The following CPSF4L variants were observed in gnomAD, a reference collection of about 807,000 sequenced individuals.
CPSF4L encodes the protein putative cleavage and polyadenylation specificity factor subunit 4-like protein.
In CPSF4L, 18 loss-of-function variants were observed where a neutral mutation model predicts 24.0. The ratio of observed to expected loss-of-function variants is 0.75; its 90% CI spans 0.52 to 1.11. The LOEUF (loss-of-function observed/expected upper bound fraction) is 1.11. CPSF4L is among the 50% of genes least tolerant of loss of function. The pLI is 0.00. For missense variants in CPSF4L, 211 were observed against 221.8 expected (o/e 0.95, Z 0.31); for synonymous variants, 72 against 77.2 (o/e 0.93, Z 0.35).
intron 2 of CPSF4L, 147 bp from the exon 3 acceptor site, chr17:73,257,980 G>T: frequency 1.4e-6 from 1 of 739,804 alleles, no homozygotes; most frequent in Non-Finnish European, 2.1e-6. Flanking sequence ...GTAGGGGCTG[G>T]AACTGGGAGC....
chr17:73,251,074 G>T (rs944327273), intron 5 of CPSF4L: 9 of 1,549,300 alleles, frequency 5.8e-6, no homozygotes, highest in Non-Finnish European at 7.0e-6. Flanking sequence ...GAAATAGGAG[G>T]TGCTGAATCC....
intron 5 of CPSF4L, chr17:73,250,270 C>G (rs1266604644): frequency 1.0e-5 from 16 of 1,550,624 alleles, no homozygotes; most frequent in Non-Finnish European, 6.1e-6. Flanking sequence ...TTGAGTCTTA[C>G]TGTACTTACT....
chr17:73,243,024 A>T, the CPSF4L span: 1 of 1,579,530 alleles, frequency 6.3e-7, no homozygotes, highest in South Asian at 1.1e-5. Context: ...CTATATTTCT[A>T]GCCTAAATAA....
At position 73,254,093 on chromosome 17, in the gene CPSF4L, G is replaced by A. The variant is rs374908311; in HGVS notation, c.308-67C>T. ...TGATCACTTCTGTGTCCCCAAACCA[G>A]ATTGACCTTGCCCCTCACAAACACA... On this transcript the variant is annotated intron_variant, in intron 3 of 5. Transcript: ENST00000344935. 1.6e-4 allele frequency: 196 copies of A among 1,237,252 alleles called. No homozygotes were observed. In the South Asian group the frequency reaches 2.4e-3, roughly 15 times the overall value. 76.6% of individuals were successfully genotyped at this position (1,237,252 alleles called of 1,614,324 possible).
chr17:73,262,052 C>A, upstream of CPSF4L: 1 of 558,658 alleles, frequency 1.8e-6, no homozygotes, highest in Non-Finnish European at 3.2e-6. Context: ...CCCTCACCCC[C>A]ACACTGTGTA....
At chr17:73,261,014 G>C in intron 1 of CPSF4L, 31 bp from the exon 2 acceptor site, 1 of 1,539,480 alleles carries the variant, frequency 6.5e-7, no homozygotes, top group Admixed American at 2.0e-5. Flanking sequence ...GGAGAAGGTA[G>C]CTTCCCCAGA....
At chr17:73,247,754 T>C (rs893827507), downstream of CPSF4L, 26 of 165,174 alleles carry the variant, frequency 1.6e-4, no homozygotes, top group Non-Finnish European at 2.4e-4. Context: ...AACTCACATA[T>C]AGTAGGAAAC....
downstream of CPSF4L, chr17:73,247,466 C>T (rs556878479): frequency 3.2e-4 from 285 of 887,818 alleles, 3 homozygotes; most frequent in South Asian, 4.2e-3. Context: ...GCTTTTCAGC[C>T]CTCAAGGTTA....
chr17:73,252,555 G>T, intron 5 of CPSF4L, 75 bp downstream of exon 5: 4 of 885,986 alleles, frequency 4.5e-6, no homozygotes, highest in Admixed American at 2.0e-5. Context: ...ACCAGCGAAG[G>T]TATGGAAAGA....
At chr17:73,253,908 C>A in intron 4 of CPSF4L, 23 bp downstream of exon 4, 1 of 1,517,106 alleles carries the variant, frequency 6.6e-7, no homozygotes, top group Non-Finnish European at 9.0e-7. Context: ...GCCCCTAGGG[C>A]TCCCTGGCTT....
chr17:73,263,250 G>A (rs2062053706), upstream of CPSF4L, among the ~76,000 whole-genome samples: 1 of 152,206 alleles, frequency 6.6e-6, no homozygotes. Flanking sequence ...AAAGCCCAGG[G>A]AGGCCAAGAC....
At chr17:73,262,106 A>C, upstream of CPSF4L, 1 of 434,044 alleles carries the variant, frequency 2.3e-6, no homozygotes, top group Non-Finnish European at 4.2e-6. Flanking sequence ...GAGCCCCACA[A>C]ACTGCTTATC....
intron 5 of CPSF4L, chr17:73,250,258 A>C (rs1369296061): frequency 2.6e-6 from 4 of 1,550,616 alleles, no homozygotes; most frequent in African/African-American, 2.7e-5. Flanking sequence ...AACTCCTATC[A>C]GTTGAGTCTT....
At chr17:73,261,663 AG>A (rs2062046834) in intron 1 of CPSF4L, 52 bp downstream of exon 1, 1 of 1,263,862 alleles carries the variant, frequency 7.9e-7, no homozygotes, top group African/African-American at 1.5e-5. Flanking sequence ...TCCGTCTCAA[AG>A]AAAAAAAAAC....
At chr17:73,243,047 C>T in the CPSF4L span, 47 of 1,402,966 alleles carry the variant, frequency 3.4e-5, no homozygotes, top group Admixed American at 7.2e-5. Context: ...GGTCCCATTC[C>T]GTTATGTGGA....
the CPSF4L span, chr17:73,243,069 TTC>T: frequency 5.3e-6 from 6 of 1,138,622 alleles, no homozygotes; most frequent in Admixed American, 4.8e-5. Flanking sequence ...CTCCAAGGGA[TTC>T]TCTGAATTTT....
chr17:73,247,245 AT>A, downstream of CPSF4L: 3 of 1,614,096 alleles, frequency 1.9e-6, no homozygotes, highest in Non-Finnish European at 2.5e-6. Context: ...TTACAGAAAA[AT>A]TGTGCCGACC....
chr17:73,255,544 CCT>C (rs147322168), intron 3 of CPSF4L, among the ~76,000 whole-genome samples: 1,615 of 151,640 alleles, frequency 0.011, 32 homozygotes, highest in African/African-American at 0.037. Flanking sequence ...GGAGAGTACC[CCT>C]GATTCCTAAG....
At chr17:73,245,398 G>A (rs543203111), downstream of CPSF4L, 14 of 1,224,306 alleles carry the variant, frequency 1.1e-5, no homozygotes, top group Admixed American at 4.2e-5. Context: ...GTTCTGTCTG[G>A]ATGTTCTTGG....
Sources: gnomAD v4.1 joint callset for allele counts (sites outside exome capture counted in the v4.1 genomes callset) on GRCh38, gnomAD v4.1.1 for gene constraint, MANE v1.5 for transcripts, NCBI Gene and HGNC (gene_info 2026-07-23, HGNC 2026-07-21) for gene names.